Variants in CPSF6 observed in about 807,000 individuals in gnomAD.
CPSF6 encodes the protein cleavage and polyadenylation specificity factor subunit 6.
A neutral mutation model predicts 56.7 loss-of-function variants in CPSF6; 10 were observed. The observed-to-expected ratio is 0.18, with a 90% CI of 0.11 to 0.30. CPSF6 has a LOEUF of 0.30. CPSF6 is among the 10% of genes least tolerant of loss of function. The probability of loss-of-function intolerance (pLI) is 1.00; values close to 1 mark genes in which losing one functional copy is unlikely to be tolerated. For missense variants in CPSF6, 419 were observed against 722.9 expected, an observed-to-expected ratio of 0.58 and a Z score of 4.82; for synonymous variants, 248 against 244.8, an observed-to-expected ratio of 1.01 and a Z score of -0.12.
At chr12:69,241,958 G>C (rs1414320757) in intron 1 of CPSF6, among the ~76,000 whole-genome samples, 1 of 150,902 alleles carries the variant, frequency 6.6e-6, no homozygotes, top group Non-Finnish European at 1.5e-5. Context: ...AAGGATAGTT[G>C]GTTATTTTCA....
intron 6 of CPSF6, 49 bp from the exon 7 acceptor site, chr12:69,259,379 T>C (rs377418166): frequency 6.4e-5 from 101 of 1,585,158 alleles, no homozygotes; most frequent in Non-Finnish European, 8.2e-5. Flanking sequence ...TGTGACTAAC[T>C]GAGGAAATCT....
chr12:69,252,650 CAT>C (rs1238586312), intron 2 of CPSF6, among the ~76,000 whole-genome samples: 3 of 152,070 alleles, frequency 2.0e-5, no homozygotes, highest in African/African-American at 7.2e-5. Context: ...ATATTAAATA[CAT>C]GTTAGTTTTT....
At chr12:69,255,982 T>G (rs777377499) in intron 3 of CPSF6, among the ~76,000 whole-genome samples, 1 of 152,244 alleles carries the variant, frequency 6.6e-6, no homozygotes, top group Non-Finnish European at 1.5e-5. Flanking sequence ...GCAACCCAAA[T>G]GTCCATGAAC....
rs985764547 is a variant in CPSF6 at position 69,260,278 on chromosome 12, G to A, written c.1469+81G>A. The A allele has an allele frequency of 8.0e-6, 9 of 1,124,726 alleles. No individual in the cohort carries two copies. The Admixed American group carries it at 1.6e-4, about 20-fold the overall frequency. The allele number at this position is 1,124,726 out of a possible 1,614,324, so 69.7% of individuals were successfully genotyped here. A position where few individuals can be genotyped will look rare whatever the true frequency, so the allele number is the denominator to read the frequency against. On this transcript the variant is annotated intron_variant, in intron 8 of 9. Transcript: ENST00000435070. ...AAAATACTGTGAGACTTTAAAAGGA[G>A]GACTTTGCTTTTACTTACTGATTAT... is the stretch of plus-strand genomic sequence containing the variant.
At chr12:69,247,866 T>C (rs1871997697) in intron 1 of CPSF6, among the ~76,000 whole-genome samples, 1 of 152,232 alleles carries the variant, frequency 6.6e-6, no homozygotes, top group African/African-American at 2.4e-5. Flanking sequence ...GCAGCAAATG[T>C]ATTCAGATTC....
Position 69,258,146 on chromosome 12 carries a change from G to T in CPSF6, c.694+241G>T. 2.7e-6 allele frequency: 4 copies of T among 1,494,196 alleles called. No individual in the cohort carries two copies. Among genetic ancestry groups the T allele is most frequent in the Non-Finnish European group, 3.6e-6 (4 of 1,110,374 alleles). 92.6% of individuals were successfully genotyped at this position (1,494,196 alleles called of 1,614,324 possible). A position where few individuals can be genotyped will look rare whatever the true frequency, so the allele number is the denominator to read the frequency against. On this transcript the variant is annotated intron_variant, in intron 5 of 9. Coordinates refer to ENST00000435070, the MANE Select transcript of CPSF6 (RefSeq NM_007007.3). The surrounding 1 kb of genome is among the most constrained non-coding windows in gnomAD (Gnocchi z 4.2). The stretch of plus-strand genomic sequence containing the variant: ...GAAATACCCATTTTTGGCCTAAAAG[G>T]TCTTTATTTTTCTCCAAACTTGCTT...
At chr12:69,253,542 A>G (rs937391102) in intron 3 of CPSF6, among the ~76,000 whole-genome samples, 16 of 152,196 alleles carry the variant, frequency 1.1e-4, no homozygotes, top group African/African-American at 3.9e-4. Context: ...ACTAAACTAT[A>G]CAAGTGGGAT....
At chr12:69,255,367 A>T (rs111679761) in intron 3 of CPSF6, among the ~76,000 whole-genome samples, 2,378 of 152,304 alleles carry the variant, frequency 0.016, 74 homozygotes, top group African/African-American at 0.055. Flanking sequence ...TTGTGTGAAC[A>T]TGTATTTTCA....
intron 3 of CPSF6, 136 bp from the exon 4 acceptor site, chr12:69,256,561 T>G: frequency 1.2e-6 from 1 of 809,678 alleles, no homozygotes. Flanking sequence ...TCTAAGCAGC[T>G]GGGATTACAG....
chr12:69,252,247 A>T, intron 2 of CPSF6: 1 of 250,680 alleles, frequency 4.0e-6, no homozygotes, highest in South Asian at 2.4e-5. Flanking sequence ...CTAATTAAAA[A>T]CAAAACAAAC....
At position 69,251,225 on chromosome 12, in the gene CPSF6, A is replaced by C. The variant is rs1389279442; in HGVS notation, c.157A>C (p.Met53Leu). Residue 53 changes from methionine (M) to leucine (L), a missense_variant, in exon 2 of 10, where the codon ATG becomes CTG. Around this residue, in one of 4 missense-constraint regions of CPSF6, gnomAD observed 125 missense variants for 216.4 expected, o/e 0.58. Coordinates refer to ENST00000435070, the MANE Select transcript of CPSF6 (RefSeq NM_007007.3). ...AGATGCCCCAGAAGACCGAGATTAC[A>C]TGGATACTCTCCCACCAACTGTTGG... ...NGDAPEDRDY[M>L]DTLPPTVGDD... The C allele has an allele frequency of 6.2e-7, 1 of 1,613,176 alleles. No homozygotes were observed. Among genetic ancestry groups the C allele is most frequent in the Non-Finnish European group, 8.5e-7 (1 of 1,179,878 alleles).
chr12:69,265,646 A>G (rs925529525), intron 9 of CPSF6, among the ~76,000 whole-genome samples: 3 of 129,852 alleles, frequency 2.3e-5, no homozygotes, highest in African/African-American at 9.0e-5. Context: ...CTTGTTGCCC[A>G]GTCTAGAGTG....
At chr12:69,246,062 G>A (rs1871888455) in intron 1 of CPSF6, among the ~76,000 whole-genome samples, 1 of 152,172 alleles carries the variant, frequency 6.6e-6, no homozygotes, top group Non-Finnish European at 1.5e-5. Context: ...ACTCCAGCCT[G>A]AGTGACAGAA....
Position 69,269,774 on chromosome 12 carries a change from A to T in CPSF6, c.*266A>T, listed in dbSNP as rs1296706636. ...AGCTTTTGCAACTTTATTACTGGTT[A>T]TATACATTTGGCCATTATGATGTGC... On this transcript the variant is annotated 3_prime_UTR_variant, in exon 10 of 10. Transcript: ENST00000435070. The T allele has an allele frequency of 1.5e-5, 3 of 198,228 alleles. No homozygotes were observed. Among genetic ancestry groups the T allele is most frequent in the African/African-American group, 7.1e-5 (3 of 42,098 alleles). 12.3% of individuals were successfully genotyped at this position (198,228 alleles called of 1,614,324 possible).
chr12:69,265,832 C>T (rs191740956), intron 9 of CPSF6, among the ~76,000 whole-genome samples: 156 of 151,954 alleles, frequency 1.0e-3, no homozygotes, highest in Admixed American at 5.2e-3. Context: ...AAACTCCCGA[C>T]GTCAGGTGAT....
At position 69,239,626 on chromosome 12, in the gene CPSF6, G is replaced by A. The variant is rs1565639719; in HGVS notation, c.-21G>A. On this transcript the variant is annotated 5_prime_UTR_variant, in exon 1 of 10. Transcript: ENST00000435070. ...ACCTGCAGGAGGCGGCGGCGGCGGC[G>A]GCGGCCGAGGCTGAAGGAAGATGGC... 6 of 1,559,906 alleles carry A rather than the reference G, an allele frequency of 3.8e-6. No homozygotes were observed. Among genetic ancestry groups the A allele is most frequent in the Non-Finnish European group, 4.3e-6 (5 of 1,155,754 alleles).
chr12:69,253,234 T>A, intron 3 of CPSF6, 80 bp downstream of exon 3: 1 of 736,358 alleles, frequency 1.4e-6, no homozygotes, highest in Non-Finnish European at 2.3e-6. Context: ...TAAGTTAATG[T>A]TAATTACACA....
chr12:69,254,577 C>G (rs1228887890), intron 3 of CPSF6, among the ~76,000 whole-genome samples: 1 of 152,168 alleles, frequency 6.6e-6, no homozygotes, highest in Non-Finnish European at 1.5e-5. Context: ...TTAATGAGAA[C>G]AGAGATTTTG....
At chr12:69,244,892 G>C (rs1424261700) in intron 1 of CPSF6, among the ~76,000 whole-genome samples, 3 of 152,024 alleles carry the variant, frequency 2.0e-5, no homozygotes. Context: ...GTGAAGGACT[G>C]ACTTGCCTGA....
Sources: gnomAD v4.1 joint callset for allele counts (sites outside exome capture counted in the v4.1 genomes callset) on GRCh38, gnomAD v4.1.1 for gene constraint, gnomAD v4.1.1 regional missense constraint, Gnocchi (gnomAD v3.1) non-coding constraint, MANE v1.5 for transcripts, NCBI Gene and HGNC (gene_info 2026-07-23, HGNC 2026-07-21) for gene names.